The following GPM6A variants were observed in gnomAD, a reference collection of about 807,000 sequenced individuals.
GPM6A encodes the protein neuronal membrane glycoprotein M6-a.
A neutral mutation model predicts 32.1 loss-of-function variants in GPM6A; 7 were observed. The ratio of observed to expected loss-of-function variants is 0.22; its 90% CI spans 0.12 to 0.41. GPM6A has a LOEUF of 0.41. Among genes scored for constraint, GPM6A ranks in the 10% least tolerant of loss-of-function variants. GPM6A has a pLI of 1.00. For synonymous variants in GPM6A, 130 were observed against 123.4 expected (o/e 1.05, Z -0.35); for missense variants, 235 against 347.2 (o/e 0.68, Z 2.57).
chr4:175,734,358 G>T (rs1231445418), intron 1 of GPM6A, among the ~76,000 whole-genome samples: 1 of 151,918 alleles, frequency 6.6e-6, no homozygotes, highest in Non-Finnish European at 1.5e-5. Context: ...AAAACACTCA[G>T]TGGATCTCTG....
intron 1 of GPM6A, among the ~76,000 whole-genome samples, chr4:175,907,682 G>A (rs545277860): frequency 1.3e-5 from 2 of 152,230 alleles, no homozygotes; most frequent in East Asian, 3.9e-4. Context: ...TGAAGGCACA[G>A]GGGCAAAGAA....
At chr4:175,736,951 C>A in intron 1 of GPM6A, among the ~76,000 whole-genome samples, 1 of 152,122 alleles carries the variant, frequency 6.6e-6, no homozygotes, top group Non-Finnish European at 1.5e-5. Context: ...GCCTATTGGA[C>A]CACTAGTAGT....
chr4:175,884,791 C>G (rs1240152790), intron 1 of GPM6A, among the ~76,000 whole-genome samples: 6 of 152,076 alleles, frequency 3.9e-5, no homozygotes, highest in Admixed American at 6.6e-5. Context: ...GCCTAGGCTT[C>G]CCAAAGTGCT....
In GPM6A at chr4:175,733,862, A is replaced by T. The variant is rs145006772; in HGVS notation, c.38-32095T>A. Among the ~76,000 whole-genome samples, 46 of 152,264 alleles carry T rather than the reference A, an allele frequency of 3.0e-4. 1 individual carries two copies. The South Asian group carries it at 5.2e-3, about 17-fold the overall frequency. On this transcript the variant is annotated intron_variant, in intron 1 of 6. Transcript: ENST00000393658. ...TAATCATCTCTAAAATGGTCTTTTA[A>T]CGATAATTTAACAATTAGTTTATTT...
upstream of GPM6A, among the ~76,000 whole-genome samples, chr4:175,814,343 A>G (rs1299342612): frequency 6.6e-6 from 1 of 152,168 alleles, no homozygotes; most frequent in African/African-American, 2.4e-5. Flanking sequence ...CTGGGCTAAT[A>G]AATCACCAAG....
intron 1 of GPM6A, among the ~76,000 whole-genome samples, chr4:175,936,199 G>C (rs886141340): frequency 2.4e-4 from 36 of 148,664 alleles, no homozygotes; most frequent in African/African-American, 8.1e-4. Context: ...CCAGCTACTC[G>C]GGAGGCTGAG....
At chr4:175,925,081 G>T (rs978093441) in intron 1 of GPM6A, among the ~76,000 whole-genome samples, 8 of 152,106 alleles carry the variant, frequency 5.3e-5, no homozygotes, top group Non-Finnish European at 1.2e-4. Context: ...TTGTCAACCA[G>T]GGATCATAAT....
chr4:175,803,234 C>T (rs1390347), intron 1 of GPM6A, among the ~76,000 whole-genome samples: 73,099 of 151,476 alleles, frequency 0.48, 18,017 homozygotes, highest in Non-Finnish European at 0.53. Context: ...ATTCAGAGCA[C>T]TTTGCAGGTT....
chr4:175,748,426 A>G (rs566711358), intron 1 of GPM6A, among the ~76,000 whole-genome samples: 44 of 152,246 alleles, frequency 2.9e-4, no homozygotes, highest in Non-Finnish European at 4.7e-4. Flanking sequence ...ATTAGCAGGC[A>G]TGAAAACATT....
At chr4:175,636,695 A>G (rs1160157468) in intron 6 of GPM6A, among the ~76,000 whole-genome samples, 1 of 150,618 alleles carries the variant, frequency 6.6e-6, no homozygotes, top group African/African-American at 2.4e-5. Context: ...ACTCGGGAGG[A>G]TGAGGCAGGA....
At chr4:175,986,247 CTTT>C (rs1341123096) in intron 1 of GPM6A, among the ~76,000 whole-genome samples, 1 of 152,146 alleles carries the variant, frequency 6.6e-6, no homozygotes, top group Admixed American at 6.6e-5. Context: ...TTTTAGGACA[CTTT>C]TAGGCCAGGT....
intron 3 of GPM6A, among the ~76,000 whole-genome samples, chr4:175,665,391 G>A (rs753954216): frequency 1.4e-4 from 22 of 151,876 alleles, no homozygotes; most frequent in Non-Finnish European, 2.6e-4. Flanking sequence ...ACATCAATCC[G>A]TGTAACAGAT....
intron 4 of GPM6A, among the ~76,000 whole-genome samples, chr4:175,645,361 G>A (rs1250365668): frequency 6.6e-6 from 1 of 152,104 alleles, no homozygotes; most frequent in African/African-American, 2.4e-5. Flanking sequence ...CATCACTAAG[G>A]CAATAAAAAC....
At chr4:175,918,381 T>C (rs897381851) in intron 1 of GPM6A, among the ~76,000 whole-genome samples, 5 of 151,516 alleles carry the variant, frequency 3.3e-5, no homozygotes, top group Admixed American at 2.6e-4. Flanking sequence ...GGAGAAAAAA[T>C]AGAATTGGAA....
At chr4:175,939,542 C>A (rs1739341539) in intron 1 of GPM6A, among the ~76,000 whole-genome samples, 1 of 152,086 alleles carries the variant, frequency 6.6e-6, no homozygotes, top group Admixed American at 6.6e-5. Context: ...TAAAGAGAGG[C>A]CACTCTTCAC....
At chr4:175,967,046 C>T (rs2126414228) in intron 1 of GPM6A, among the ~76,000 whole-genome samples, 1 of 152,154 alleles carries the variant, frequency 6.6e-6, no homozygotes, top group Admixed American at 6.5e-5. Flanking sequence ...ATACAAAAAT[C>T]CTCAATAAAA....
At chr4:175,734,082 T>C (rs1234785205) in intron 1 of GPM6A, among the ~76,000 whole-genome samples, 2 of 151,574 alleles carry the variant, frequency 1.3e-5, no homozygotes, top group Non-Finnish European at 2.9e-5. Context: ...TAATTAAATC[T>C]ATCTCTCTTA....
chr4:175,978,374 C>T (rs192581024), intron 1 of GPM6A, among the ~76,000 whole-genome samples: 20 of 152,286 alleles, frequency 1.3e-4, no homozygotes, highest in Non-Finnish European at 2.4e-4. Flanking sequence ...GATCAAACAC[C>T]TCCCTTCCTC....
At chr4:175,993,646 T>A (rs1444366482) in intron 1 of GPM6A, among the ~76,000 whole-genome samples, 3 of 152,210 alleles carry the variant, frequency 2.0e-5, no homozygotes, top group Admixed American at 6.5e-5. Flanking sequence ...TTTTTGTATC[T>A]TTCTGAGTTA....
Sources: gnomAD v4.1 joint callset for allele counts (sites outside exome capture counted in the v4.1 genomes callset) on GRCh38, gnomAD v4.1.1 for gene constraint, MANE v1.5 for transcripts, NCBI Gene and HGNC (gene_info 2026-07-23, HGNC 2026-07-21) for gene names.